The following HIBADH variants were observed in gnomAD, a reference collection of about 807,000 sequenced individuals.
The protein encoded by HIBADH is 3-hydroxyisobutyrate dehydrogenase, mitochondrial.
In HIBADH, 25 loss-of-function variants were observed where a neutral mutation model predicts 36.1. The observed-to-expected ratio is 0.69, with a 90% CI of 0.50 to 0.97. The LOEUF (loss-of-function observed/expected upper bound fraction) is 0.97, where lower values mean the gene tolerates loss of function less well. Among genes scored for constraint, HIBADH ranks in the 50% least tolerant of loss-of-function variants. HIBADH has a pLI of 0.00. For missense variants in HIBADH, 421 were observed against 418.0 expected, an observed-to-expected ratio of 1.01 and a Z score of -0.06; for synonymous variants, 160 against 149.5, an observed-to-expected ratio of 1.07 and a Z score of -0.51.
At chr7:27,623,523 T>A (rs1450863336) in intron 4 of HIBADH, among the ~76,000 whole-genome samples, 1 of 152,094 alleles carries the variant, frequency 6.6e-6, no homozygotes, top group Non-Finnish European at 1.5e-5. Context: ...AACCCAGAAG[T>A]CTTAGATTTG....
At chr7:27,530,271 T>C (rs1783972273) in intron 7 of HIBADH, among the ~76,000 whole-genome samples, 1 of 152,114 alleles carries the variant, frequency 6.6e-6, no homozygotes, top group East Asian at 1.9e-4. Flanking sequence ...AATGGTGCTA[T>C]CTCAGCTGAC....
chr7:27,650,492 ATTTATTTATTTATTTT>A (rs1241790434), intron 1 of HIBADH, among the ~76,000 whole-genome samples: 46 of 135,858 alleles, frequency 3.4e-4, no homozygotes, highest in African/African-American at 1.2e-3. Flanking sequence ...TTATTTATTT[ATTTATTTATTTATTTT>A]TTGAGACGGA....
At chr7:27,550,246 T>C (rs1784300096) in intron 4 of HIBADH, among the ~76,000 whole-genome samples, 1 of 152,156 alleles carries the variant, frequency 6.6e-6, no homozygotes, top group South Asian at 2.1e-4. Flanking sequence ...CTCCCATTTT[T>C]TCTCCATTAA....
Position 27,618,883 on chromosome 7 carries a change from C to G in HIBADH, c.484+10488G>C, listed in dbSNP as rs571085723. 2.0e-5 allele frequency among the ~76,000 whole-genome samples: 3 copies of G among 152,214 alleles called. No homozygotes were observed. The South Asian group carries it at 6.2e-4, about 32-fold the overall frequency. Reference sequence around the variant, plus strand: ...GCCACACACTTTTAAACAAGCAGGTCTCCTGAGTAGTTACTCATTATTGCA... The same window carrying G: ...GCCACACACTTTTAAACAAGCAGGTGTCCTGAGTAGTTACTCATTATTGCA... On this transcript the variant is annotated intron_variant, in intron 4 of 7. Transcript: ENST00000265395.
chr7:27,585,988 G>C (rs536636808), intron 4 of HIBADH, among the ~76,000 whole-genome samples: 31 of 152,314 alleles, frequency 2.0e-4, no homozygotes, highest in African/African-American at 7.2e-4. Flanking sequence ...AGGTGGTTAT[G>C]TAATTCCTCC....
chr7:27,661,855 A>AT (rs1236613736), intron 1 of HIBADH, among the ~76,000 whole-genome samples: 1 of 152,158 alleles, frequency 6.6e-6, no homozygotes, highest in Admixed American at 6.5e-5. Context: ...GGAACAACTG[A>AT]TAACAACTTT....
At chr7:27,609,943 A>C (rs1010201703) in intron 4 of HIBADH, among the ~76,000 whole-genome samples, 1 of 151,844 alleles carries the variant, frequency 6.6e-6, no homozygotes, top group African/African-American at 2.4e-5. Flanking sequence ...CAGCCTCCTG[A>C]GTAGCTGGGA....
intron 4 of HIBADH, among the ~76,000 whole-genome samples, chr7:27,628,651 A>C (rs147804290): frequency 6.6e-6 from 1 of 152,238 alleles, no homozygotes; most frequent in East Asian, 1.9e-4. Context: ...TTAACATGGT[A>C]AATTATATGC....
chr7:27,640,259 A>C (rs1785937206), intron 2 of HIBADH, among the ~76,000 whole-genome samples: 1 of 152,166 alleles, frequency 6.6e-6, no homozygotes, highest in Non-Finnish European at 1.5e-5. Context: ...GGCCAGGTGC[A>C]ATGGCTCACA....
At chr7:27,597,344 C>T (rs1011987967) in intron 4 of HIBADH, among the ~76,000 whole-genome samples, 5 of 151,654 alleles carry the variant, frequency 3.3e-5, no homozygotes, top group African/African-American at 4.8e-5. Flanking sequence ...AAGCTAAAGA[C>T]ACAAGTGAAA....
intron 3 of HIBADH, 126 bp downstream of exon 3, chr7:27,632,210 C>A (rs1346173269): frequency 9.5e-6 from 6 of 634,578 alleles, no homozygotes; most frequent in African/African-American, 7.4e-5. Flanking sequence ...CCACACTATT[C>A]ACTTTATGAA....
At chr7:27,550,470 C>A (rs1784302991) in intron 4 of HIBADH, among the ~76,000 whole-genome samples, 1 of 152,170 alleles carries the variant, frequency 6.6e-6, no homozygotes, top group African/African-American at 2.4e-5. Flanking sequence ...ACAAAAACTA[C>A]CACTCAATGC....
intron 4 of HIBADH, among the ~76,000 whole-genome samples, chr7:27,570,904 G>C (rs750479497): frequency 6.6e-6 from 1 of 152,010 alleles, no homozygotes; most frequent in African/African-American, 2.4e-5. Context: ...GTTTCTGTGG[G>C]TTTATGTCAA....
chr7:27,571,750 A>C (rs1008062853), intron 4 of HIBADH, among the ~76,000 whole-genome samples: 3 of 152,142 alleles, frequency 2.0e-5, no homozygotes, highest in African/African-American at 7.2e-5. Flanking sequence ...TTTCTCCAGA[A>C]AGAATTTTTA....
At chr7:27,541,196 A>AT (rs1784145964) in intron 5 of HIBADH, among the ~76,000 whole-genome samples, 1 of 150,250 alleles carries the variant, frequency 6.7e-6, no homozygotes, top group Admixed American at 6.6e-5. Flanking sequence ...ATTCAGGCAG[A>AT]TATACTTTCT....
chr7:27,618,582 T>C (rs943640957), intron 4 of HIBADH, among the ~76,000 whole-genome samples: 3 of 152,188 alleles, frequency 2.0e-5, no homozygotes, highest in East Asian at 1.9e-4. Flanking sequence ...GAGTAAGCCA[T>C]GTGAAAGCCC....
chr7:27,546,253 C>A (rs576832844), intron 4 of HIBADH, among the ~76,000 whole-genome samples: 5 of 152,168 alleles, frequency 3.3e-5, no homozygotes, highest in African/African-American at 4.8e-5. Context: ...CAGGCATGTG[C>A]CACTGTGCCT....
Position 27,605,988 on chromosome 7 carries a change from T to C in HIBADH, c.484+23383A>G, listed in dbSNP as rs138646163. On this transcript the variant is annotated intron_variant, in intron 4 of 7. Transcript: ENST00000265395. ...CTCTAACCTCCTCCCAAACAAGTTA[T>C]TCATCCCACAGTTTAACAATAAATG... Among the ~76,000 whole-genome samples the C allele has an allele frequency of 1.0e-3, 154 of 152,298 alleles. 1 individual carries two copies. Among genetic ancestry groups the C allele is most frequent in the African/African-American group, 3.6e-3 (149 of 41,574 alleles).
rs546655136 is a variant in HIBADH, at chr7:27,573,134, G to GT, written c.485-30035dup. On this transcript the variant is annotated intron_variant, in intron 4 of 7. Coordinates refer to ENST00000265395, the MANE Select transcript of HIBADH (RefSeq NM_152740.4). ...AAGTAGGGAATTTGTGCAGAAAATT[G>GT]TAAGTAGCTGAATTTAGAACAAACA... Among the ~76,000 whole-genome samples, 604 of 152,290 alleles carry GT rather than the reference G, an allele frequency of 4.0e-3. 2 individuals are homozygous for GT. Among genetic ancestry groups the GT allele is most frequent in the Middle Eastern group, 0.02 (6 of 294 alleles).
Sources: gnomAD v4.1 joint callset for allele counts (sites outside exome capture counted in the v4.1 genomes callset) on GRCh38, gnomAD v4.1.1 for gene constraint, MANE v1.5 for transcripts, NCBI Gene and HGNC (gene_info 2026-07-23, HGNC 2026-07-21) for gene names.